WDR59: variants seen among roughly 807,000 people sequenced by gnomAD.
The protein encoded by WDR59 is GATOR2 complex protein WDR59.
Under a neutral mutation model 131.2 loss-of-function variants are expected in WDR59, and 100 were observed. The observed-to-expected ratio is 0.76, with a 90% confidence interval of 0.65 to 0.90. The LOEUF is 0.90. Ranked by LOEUF, WDR59 falls within the 40% of genes least tolerant of loss-of-function variation. The pLI is 0.00. For missense variants in WDR59, 1,203 were observed against 1,262.2 expected (o/e 0.95, Z 0.71); for synonymous variants, 601 against 466.2 (o/e 1.29, Z -3.72).
Position 74,891,782 on chromosome 16 carries a change from G to A in WDR59, c.2082+702C>T, listed in dbSNP as rs1239020890. 4.6e-5 allele frequency among the ~76,000 whole-genome samples: 7 copies of A among 152,266 alleles called. No homozygotes were observed. In the South Asian group the frequency reaches 1.5e-3, roughly 32 times the overall value. On this transcript the variant is annotated intron_variant, in intron 20 of 25. Coordinates refer to ENST00000262144, the MANE Select transcript of WDR59 (RefSeq NM_030581.4). ...TACTAAAAAGTACAAAAATTAGCCGGGTTTGGTGGCACGCATCTATAATCC... is the reference window on the plus strand; with the variant it reads ...TACTAAAAAGTACAAAAATTAGCCGAGTTTGGTGGCACGCATCTATAATCC...
At chr16:74,972,821 TAAAA>T (rs57885889) in intron 1 of WDR59, among the ~76,000 whole-genome samples, 1,020 of 55,014 alleles carry the variant, frequency 0.019, 12 homozygotes, top group Non-Finnish European at 0.029. Context: ...GACTCTGTCT[TAAAA>T]AAAAAAAAAA....
At chr16:74,880,875 G>C (rs942086076) in intron 25 of WDR59, among the ~76,000 whole-genome samples, 6 of 152,200 alleles carry the variant, frequency 3.9e-5, no homozygotes, top group African/African-American at 1.2e-4. Flanking sequence ...ACAACAAAAA[G>C]TTTTGTGTAT....
chr16:74,927,992 C>G (rs2031015987), intron 8 of WDR59, among the ~76,000 whole-genome samples: 1 of 148,086 alleles, frequency 6.8e-6, no homozygotes, highest in African/African-American at 2.5e-5. Flanking sequence ...ACTGCAACCT[C>G]CGCCTCCCAA....
chr16:74,889,536 A>T, intron 21 of WDR59, 167 bp downstream of exon 21: 1 of 597,396 alleles, frequency 1.7e-6, no homozygotes. Context: ...CTGCTATAAG[A>T]AGTTTGTTCT....
chr16:74,979,688 C>A (rs1454352489), intron 1 of WDR59, among the ~76,000 whole-genome samples: 1 of 146,344 alleles, frequency 6.8e-6, no homozygotes, highest in Non-Finnish European at 1.5e-5. Context: ...TTACAGGCAC[C>A]CACCACCACA....
chr16:74,890,890 C>A (rs561338992), intron 20 of WDR59, among the ~76,000 whole-genome samples: 1 of 151,916 alleles, frequency 6.6e-6, no homozygotes, highest in South Asian at 2.1e-4. Flanking sequence ...CTGAGGTGGG[C>A]GAATCACCAG....
chr16:74,946,656 G>C (rs1392963909), intron 6 of WDR59, among the ~76,000 whole-genome samples: 2 of 152,170 alleles, frequency 1.3e-5, no homozygotes, highest in East Asian at 1.9e-4. Flanking sequence ...ACAGGAGGTG[G>C]AGGTTGCAGT....
At chr16:74,920,520 C>A (rs2030103295) in intron 10 of WDR59, among the ~76,000 whole-genome samples, 1 of 152,178 alleles carries the variant, frequency 6.6e-6, no homozygotes, top group Non-Finnish European at 1.5e-5. Flanking sequence ...CCTGCCTCAG[C>A]CTCCGAAGTA....
intron 17 of WDR59, among the ~76,000 whole-genome samples, chr16:74,908,005 T>A (rs180765332): frequency 6.6e-6 from 1 of 152,162 alleles, no homozygotes; most frequent in African/African-American, 2.4e-5. Context: ...AGATTGCCTA[T>A]AAAGAAAAAC....
chr16:74,945,815 CTTTTTTTT>C (rs777336166), intron 6 of WDR59, among the ~76,000 whole-genome samples: 1 of 133,026 alleles, frequency 7.5e-6, no homozygotes, highest in Non-Finnish European at 1.6e-5. Context: ...ATTCACATAA[CTTTTTTTT>C]TTTTTTTTTT....
At chr16:74,904,181 C>T (rs748405343) in intron 17 of WDR59, 81 bp from the exon 18 acceptor site, 48 of 1,515,462 alleles carry the variant, frequency 3.2e-5, no homozygotes, top group Non-Finnish European at 3.9e-5. Context: ...GCACTTGATA[C>T]CAAAAGGAGA....
At chr16:74,941,919 A>G (rs2032262771) in intron 7 of WDR59, among the ~76,000 whole-genome samples, 1 of 152,142 alleles carries the variant, frequency 6.6e-6, no homozygotes, top group South Asian at 2.1e-4. Context: ...CAGTGGGGAC[A>G]TCCCTGAACA....
intron 1 of WDR59, among the ~76,000 whole-genome samples, chr16:74,976,480 T>C (rs1245764859): frequency 1.3e-5 from 2 of 151,548 alleles, no homozygotes; most frequent in African/African-American, 2.4e-5. Context: ...CCTTACCCTG[T>C]CGCCCAGGCT....
chr16:74,886,575 G>A, intron 23 of WDR59, 179 bp from the exon 24 acceptor site: 1 of 722,434 alleles, frequency 1.4e-6, no homozygotes, highest in Non-Finnish European at 2.1e-6. Context: ...TTTTTGCGCA[G>A]GTATTTATTA....
At chr16:74,979,471 AAAAC>A (rs1274636658) in intron 1 of WDR59, among the ~76,000 whole-genome samples, 1 of 150,616 alleles carries the variant, frequency 6.6e-6, no homozygotes, top group Non-Finnish European at 1.5e-5. Context: ...GTCTCAAAAC[AAAAC>A]AAAACAAAAC....
chr16:74,980,072 G>C (rs2034342423), intron 1 of WDR59, among the ~76,000 whole-genome samples: 1 of 151,560 alleles, frequency 6.6e-6, no homozygotes, highest in Admixed American at 6.6e-5. Context: ...TGTTAGCCAG[G>C]CTGGTCTCGA....
At chr16:74,886,900 C>CCAGATG (rs1567688275) in intron 23 of WDR59, among the ~76,000 whole-genome samples, 1 of 151,704 alleles carries the variant, frequency 6.6e-6, no homozygotes, top group African/African-American at 2.4e-5. Context: ...TCCAGCCTGG[C>CCAGATG]GACAGAGCAA....
Position 74,912,297 on chromosome 16 carries a change from C to T in WDR59, c.1290G>A (p.Leu430=). The T allele has an allele frequency of 6.2e-7, 1 of 1,614,162 alleles. No homozygotes were observed. The highest frequency in any genetic ancestry group is 8.5e-7 in the Non-Finnish European group (1 of 1,180,024). ...VHCSNHRVKM[L]VKFPAQYPNN... Reference sequence around the variant, plus strand: ...TTGGGTACTGTGCAGGGAACTTCACCAGCATCTTGACACGATGGTTGCTGC... The same window carrying T: ...TTGGGTACTGTGCAGGGAACTTCACTAGCATCTTGACACGATGGTTGCTGC... Residue 430 remains leucine (L), a synonymous_variant, in exon 14 of 26, where the codon CTG becomes CTA. Transcript: ENST00000262144.
chr16:74,973,164 C>T (rs980587899), intron 1 of WDR59, among the ~76,000 whole-genome samples: 3 of 152,114 alleles, frequency 2.0e-5, no homozygotes, highest in Non-Finnish European at 4.4e-5. Flanking sequence ...TCGCTTGAAC[C>T]CGGGAGGTAG....
Sources: gnomAD v4.1 joint callset for allele counts (sites outside exome capture counted in the v4.1 genomes callset) on GRCh38, gnomAD v4.1.1 for gene constraint, MANE v1.5 for transcripts, NCBI Gene and HGNC (gene_info 2026-07-23, HGNC 2026-07-21) for gene names.